PATJ: variants seen among roughly 807,000 people sequenced by gnomAD.
PATJ encodes inaD-like protein.
In PATJ, 190 loss-of-function variants were observed where a neutral mutation model predicts 224.9. The ratio of observed to expected loss-of-function variants is 0.84; its 90% CI spans 0.75 to 0.95. PATJ has a LOEUF of 0.95. Among genes scored for constraint, PATJ ranks in the 40% least tolerant of loss-of-function variants. The pLI is 0.00. For synonymous variants in PATJ, 769 were observed against 820.3 expected (o/e 0.94, Z 1.07); for missense variants, 2,121 against 2,270.3 (o/e 0.93, Z 1.34).
chr1:61,822,902 G>A, intron 14 of PATJ, 43 bp from the exon 15 acceptor site: 1 of 1,610,448 alleles, frequency 6.2e-7, no homozygotes, highest in Non-Finnish European at 8.5e-7. Flanking sequence ...ATAGCCGGAT[G>A]TGTCATTGTC....
chr1:61,861,261 A>C (rs1341346272), intron 18 of PATJ, among the ~76,000 whole-genome samples: 2 of 72,536 alleles, frequency 2.8e-5, no homozygotes, highest in Admixed American at 3.2e-4. Flanking sequence ...GAAGAGTTTG[A>C]AACCAGGATA....
intron 27 of PATJ, among the ~76,000 whole-genome samples, chr1:61,931,791 C>G (rs1406690706): frequency 6.6e-6 from 1 of 152,060 alleles, no homozygotes; most frequent in Non-Finnish European, 1.5e-5. Flanking sequence ...GAAGAAGGAA[C>G]CACACTGCAA....
chr1:61,895,665 GGGCAGAGCC>G (rs1670260770), intron 22 of PATJ, among the ~76,000 whole-genome samples: 1 of 23,574 alleles, frequency 4.2e-5, no homozygotes, highest in Non-Finnish European at 1.5e-4. Context: ...AAGTCAACTC[GGGCAGAGCC>G]CTCATGGAGA....
At chr1:62,035,082 A>G (rs1260289797) in intron 29 of PATJ, among the ~76,000 whole-genome samples, 1 of 152,192 alleles carries the variant, frequency 6.6e-6, no homozygotes, top group African/African-American at 2.4e-5. Context: ...TTGAGTGGGA[A>G]AAGGAATTAT....
intron 39 of PATJ, among the ~76,000 whole-genome samples, chr1:62,126,442 CT>C (rs1665728858): frequency 6.6e-6 from 1 of 152,192 alleles, no homozygotes; most frequent in African/African-American, 2.4e-5. Flanking sequence ...GACTAGACAT[CT>C]TGATTGTAAC....
intron 19 of PATJ, among the ~76,000 whole-genome samples, chr1:61,862,895 GAT>G (rs1268826513): frequency 2.0e-5 from 3 of 151,740 alleles, no homozygotes; most frequent in African/African-American, 4.8e-5. Flanking sequence ...GTCTCAAGAT[GAT>G]ATATGTTTCT....
At chr1:61,952,815 A>G (rs72676279) in intron 27 of PATJ, among the ~76,000 whole-genome samples, 20,415 of 152,236 alleles carry the variant, frequency 0.13, 1,843 homozygotes, top group Middle Eastern at 0.22. Context: ...CACCATAATA[A>G]AAAGGGAAGA....
At chr1:61,929,926 T>C (rs897355878) in intron 27 of PATJ, among the ~76,000 whole-genome samples, 2 of 152,144 alleles carry the variant, frequency 1.3e-5, no homozygotes, top group Admixed American at 1.3e-4. Flanking sequence ...ATGCCTAAAA[T>C]AGGCAGACTC....
intron 28 of PATJ, among the ~76,000 whole-genome samples, chr1:62,009,452 G>A (rs963023188): frequency 1.2e-4 from 18 of 152,208 alleles, no homozygotes; most frequent in South Asian, 4.2e-4. Flanking sequence ...AATTGCTAAC[G>A]ATCATCTAAG....
chr1:62,141,714 G>C (rs1360845214), intron 41 of PATJ, among the ~76,000 whole-genome samples: 2 of 148,528 alleles, frequency 1.3e-5, no homozygotes, highest in African/African-American at 5.0e-5. Flanking sequence ...CCGTATTTTG[G>C]GAGGCCAGCA....
At chr1:62,117,915 C>T (rs75545882) in intron 37 of PATJ, among the ~76,000 whole-genome samples, 4,300 of 152,028 alleles carry the variant, frequency 0.028, 181 homozygotes, top group African/African-American at 0.099. Context: ...ATGGATAGGC[C>T]GCCTTAGTTT....
rs1361590015 is a variant in PATJ at position 61,772,541 on chromosome 1, ATTTAT to A, written c.720+918_720+922del. On this transcript the variant is annotated intron_variant, in intron 6 of 43. Coordinates refer to ENST00000642238, the MANE Select transcript of PATJ (RefSeq NM_001350145.3). ...TTCTTATAACACTAAGTGCTAGCTG[ATTTAT>A]TTAATTTTTATTCATTGGGACAAAA... Among the ~76,000 whole-genome samples the A allele has an allele frequency of 2.6e-5, 4 of 152,168 alleles. 1 individual carries two copies. The highest frequency in any genetic ancestry group is 3.8e-4 in the East Asian group (2 of 5,200).
At chr1:61,785,604 T>A (rs1398033577) in intron 7 of PATJ, among the ~76,000 whole-genome samples, 2 of 152,204 alleles carry the variant, frequency 1.3e-5, no homozygotes, top group Non-Finnish European at 2.9e-5. Context: ...TGTATAAGTT[T>A]AAATGAAGCC....
At chr1:61,843,915 T>A (rs895854494) in intron 17 of PATJ, among the ~76,000 whole-genome samples, 5 of 152,128 alleles carry the variant, frequency 3.3e-5, no homozygotes, top group Admixed American at 2.6e-4. Context: ...ACTATAAAAA[T>A]GAAAAGGTAT....
At chr1:61,755,818 T>A (rs947755119) in intron 1 of PATJ, among the ~76,000 whole-genome samples, 2 of 152,222 alleles carry the variant, frequency 1.3e-5, no homozygotes, top group African/African-American at 2.4e-5. Flanking sequence ...TTTTATTATT[T>A]TTTTTTAGAC....
chr1:61,757,803 A>G (rs1262678421), intron 1 of PATJ, among the ~76,000 whole-genome samples: 1 of 152,136 alleles, frequency 6.6e-6, no homozygotes, highest in Non-Finnish European at 1.5e-5. Flanking sequence ...CTCTGTTACT[A>G]CATTGACTAT....
chr1:61,995,990 C>T (rs575893408), intron 28 of PATJ, among the ~76,000 whole-genome samples: 2 of 152,318 alleles, frequency 1.3e-5, no homozygotes, highest in South Asian at 2.1e-4. Context: ...AAGAGGTGCA[C>T]AATTGATTGG....
chr1:62,084,897 C>T (rs1374268795), intron 33 of PATJ, among the ~76,000 whole-genome samples: 2 of 152,186 alleles, frequency 1.3e-5, no homozygotes, highest in Non-Finnish European at 2.9e-5. Flanking sequence ...GCAAGCAGAT[C>T]GCTTAAGCCC....
chr1:61,890,514 TGA>T (rs1669465878), intron 22 of PATJ, among the ~76,000 whole-genome samples: 2 of 152,096 alleles, frequency 1.3e-5, no homozygotes, highest in Admixed American at 1.3e-4. Context: ...TCTTCTTCTT[TGA>T]GACAAGTTCT....
Sources: gnomAD v4.1 joint callset for allele counts (sites outside exome capture counted in the v4.1 genomes callset) on GRCh38, gnomAD v4.1.1 for gene constraint, MANE v1.5 for transcripts, NCBI Gene and HGNC (gene_info 2026-07-23, HGNC 2026-07-21) for gene names.